Variants in LRMDA observed in about 807,000 individuals in gnomAD.
The protein encoded by LRMDA is leucine-rich melanocyte differentiation-associated protein.
A neutral mutation model predicts 29.8 loss-of-function variants in LRMDA; 18 were observed. The observed-to-expected ratio is 0.60, with a 90% CI of 0.42 to 0.90. The LOEUF (loss-of-function observed/expected upper bound fraction) is 0.90. Ranked by LOEUF, LRMDA falls within the 40% of genes least tolerant of loss-of-function variation. LRMDA has a pLI of 0.00. For synonymous variants in LRMDA, 125 were observed against 109.4 expected (o/e 1.14, Z -0.89); for missense variants, 273 against 273.9 (o/e 1.00, Z 0.02).
chr10:75,503,793 T>C (rs1028616179), intron 2 of LRMDA, among the ~76,000 whole-genome samples: 5 of 152,110 alleles, frequency 3.3e-5, no homozygotes, highest in African/African-American at 1.2e-4. Context: ...GTTGTCTTTA[T>C]GGGGGAAGAA....
chr10:76,002,876 G>C (rs917981831), intron 2 of LRMDA, among the ~76,000 whole-genome samples: 5 of 152,210 alleles, frequency 3.3e-5, no homozygotes, highest in African/African-American at 1.2e-4. Flanking sequence ...AGCCTTCTGG[G>C]CCTGGGGATG....
rs552249853 is a variant in LRMDA at position 76,559,497 on chromosome 10, T to G, written c.*2209T>G. ...CTTATTGATAGAATTATAGTCAGCT[T>G]TGTTTCTCTTAAGCAGGGATAGTGA... On this transcript the variant is annotated 3_prime_UTR_variant, in exon 7 of 7. Transcript: ENST00000611255. 5.9e-5 allele frequency: 9 copies of G among 152,294 alleles called. No homozygotes were observed. The highest frequency in any genetic ancestry group is 2.2e-4 in the African/African-American group (9 of 41,570). 9.4% of individuals were successfully genotyped at this position (152,294 alleles called of 1,614,324 possible).
intron 5 of LRMDA, among the ~76,000 whole-genome samples, chr10:76,156,950 A>C (rs982240718): frequency 6.6e-6 from 1 of 152,146 alleles, no homozygotes; most frequent in Non-Finnish European, 1.5e-5. Context: ...TTTCACTTTT[A>C]GGTTCTTGGT....
chr10:76,331,591 T>A (rs1165800429), intron 6 of LRMDA, among the ~76,000 whole-genome samples: 2 of 152,160 alleles, frequency 1.3e-5, no homozygotes, highest in East Asian at 3.9e-4. Context: ...GAGACAAGAA[T>A]ATGTTTTTGT....
At chr10:75,532,345 T>TG in intron 2 of LRMDA, among the ~76,000 whole-genome samples, 1 of 152,190 alleles carries the variant, frequency 6.6e-6, no homozygotes, top group African/African-American at 2.4e-5. Context: ...TGCCAAATTC[T>TG]GGAATTTTTG....
intron 6 of LRMDA, among the ~76,000 whole-genome samples, chr10:76,494,494 T>C (rs1032722194): frequency 9.2e-5 from 14 of 152,002 alleles, no homozygotes; most frequent in African/African-American, 3.1e-4. Flanking sequence ...ATTGATAATT[T>C]ATCTATTTTC....
chr10:76,159,239 A>C (rs1850598836), intron 5 of LRMDA, among the ~76,000 whole-genome samples: 1 of 152,172 alleles, frequency 6.6e-6, no homozygotes, highest in East Asian at 1.9e-4. Flanking sequence ...TGTATGGACC[A>C]TGTTTGGACC....
At chr10:75,574,499 C>A (rs957741897) in intron 2 of LRMDA, among the ~76,000 whole-genome samples, 1 of 152,324 alleles carries the variant, frequency 6.6e-6, no homozygotes, top group Admixed American at 6.5e-5. Context: ...ATGGCCACTA[C>A]ATTTGGGCCT....
At chr10:75,742,331 C>T (rs186454633) in intron 2 of LRMDA, among the ~76,000 whole-genome samples, 9 of 152,228 alleles carry the variant, frequency 5.9e-5, no homozygotes, top group Admixed American at 2.6e-4. Context: ...CTTCAGGAGA[C>T]GAAATGGTCA....
rs535132277 is a variant in LRMDA at position 75,520,866 on chromosome 10, G to A, written c.131+82372G>A. Among the ~76,000 whole-genome samples, 31 of 152,236 alleles carry A rather than the reference G, an allele frequency of 2.0e-4. No homozygotes were observed. In the South Asian group the frequency reaches 6.0e-3, roughly 30 times the overall value. On this transcript the variant is annotated intron_variant, in intron 2 of 6. Coordinates refer to ENST00000611255, the MANE Select transcript of LRMDA (RefSeq NM_001305581.2). The stretch of plus-strand genomic sequence containing the variant: ...GTTGGTGACCTACAGATGGGGTTTT[G>A]GTGTGGATGCCCTTTTTGTTGATGT...
chr10:75,911,161 C>T (rs141883094), intron 2 of LRMDA, among the ~76,000 whole-genome samples: 1 of 152,276 alleles, frequency 6.6e-6, no homozygotes, highest in Admixed American at 6.5e-5. Context: ...TCCACTCTGA[C>T]ATTGGCAAGA....
intron 2 of LRMDA, among the ~76,000 whole-genome samples, chr10:75,739,754 T>C (rs1169216796): frequency 6.6e-6 from 1 of 152,258 alleles, no homozygotes; most frequent in Non-Finnish European, 1.5e-5. Context: ...TTTCTCTTTG[T>C]TACATGTCCT....
chr10:75,725,887 A>G (rs1275086787), intron 2 of LRMDA, among the ~76,000 whole-genome samples: 1 of 152,158 alleles, frequency 6.6e-6, no homozygotes, highest in Admixed American at 6.5e-5. Flanking sequence ...CTAGAACCCT[A>G]GAGTAGAGAT....
chr10:75,702,532 C>T (rs967352199), intron 2 of LRMDA, among the ~76,000 whole-genome samples: 2 of 152,074 alleles, frequency 1.3e-5, no homozygotes, highest in African/African-American at 4.8e-5. Flanking sequence ...CAGTGAAGCC[C>T]AGGTCTGAGT....
At chr10:76,489,563 T>G (rs1330775049) in intron 6 of LRMDA, among the ~76,000 whole-genome samples, 2 of 151,954 alleles carry the variant, frequency 1.3e-5, no homozygotes, top group Admixed American at 1.3e-4. Flanking sequence ...TTTTGAGTTT[T>G]GTTGCTCTTG....
chr10:75,652,132 C>A (rs72809459), intron 2 of LRMDA, among the ~76,000 whole-genome samples: 9,387 of 152,246 alleles, frequency 0.062, 413 homozygotes, highest in South Asian at 0.12. Flanking sequence ...ATCCTAAAAC[C>A]AGATAATTTT....
chr10:75,688,596 G>A (rs1401183670), intron 2 of LRMDA, among the ~76,000 whole-genome samples: 1 of 152,234 alleles, frequency 6.6e-6, no homozygotes, highest in Non-Finnish European at 1.5e-5. Context: ...GACAACAAAG[G>A]ATTTAGAACA....
At chr10:75,636,645 G>C (rs1457975525) in intron 2 of LRMDA, among the ~76,000 whole-genome samples, 2 of 151,636 alleles carry the variant, frequency 1.3e-5, no homozygotes, top group Admixed American at 1.3e-4. Flanking sequence ...AATTGATATA[G>C]AGTGATATTC....
intron 2 of LRMDA, among the ~76,000 whole-genome samples, chr10:75,931,824 C>G (rs1021334978): frequency 1.3e-5 from 2 of 152,158 alleles, no homozygotes; most frequent in African/African-American, 4.8e-5. Flanking sequence ...TGCAGTCATA[C>G]TCAGGGTGTG....
Sources: gnomAD v4.1 joint callset for allele counts (sites outside exome capture counted in the v4.1 genomes callset) on GRCh38, gnomAD v4.1.1 for gene constraint, MANE v1.5 for transcripts, NCBI Gene and HGNC (gene_info 2026-07-23, HGNC 2026-07-21) for gene names.